Variants in ANK2 observed in about 807,000 individuals in gnomAD.
The protein encoded by ANK2 is ankyrin-2.
In ANK2, 83 loss-of-function variants were observed where a neutral mutation model predicts 360.5. The ratio of observed to expected loss-of-function variants is 0.23; its 90% CI spans 0.19 to 0.28. The LOEUF is 0.28. ANK2 is among the 10% of genes least tolerant of loss of function. The pLI is 1.00. For synonymous variants in ANK2, 1,740 were observed against 1,759.5 expected (o/e 0.99, Z 0.28); for missense variants, 4,201 against 4,795.7 (o/e 0.88, Z 3.66).
At chr4:113,147,156 C>T (rs185826097) in intron 1 of ANK2, among the ~76,000 whole-genome samples, 281 of 152,110 alleles carry the variant, frequency 1.8e-3, no homozygotes, top group African/African-American at 6.1e-3. Flanking sequence ...TGGAGGTCAC[C>T]GTAGTCAAAA....
At chr4:112,712,564 T>C in the ANK2 span, among the ~76,000 whole-genome samples, 81 of 151,670 alleles carry the variant, frequency 5.3e-4, no homozygotes, top group South Asian at 1.7e-3. Flanking sequence ...CCTGCCACCA[T>C]GCCCAGCTAA....
chr4:113,361,998 T>A (rs1157733284), intron 39 of ANK2, among the ~76,000 whole-genome samples: 4 of 152,216 alleles, frequency 2.6e-5, no homozygotes, highest in African/African-American at 9.6e-5. Flanking sequence ...AAGTAACTGC[T>A]AATACTTTCT....
chr4:112,735,168 T>A, the ANK2 span, among the ~76,000 whole-genome samples: 2 of 152,100 alleles, frequency 1.3e-5, no homozygotes, highest in East Asian at 3.9e-4. Context: ...GTGGATCCTT[T>A]GAGCCCAGGA....
chr4:113,110,330 C>T (rs1420646966), intron 1 of ANK2, among the ~76,000 whole-genome samples: 1 of 152,142 alleles, frequency 6.6e-6, no homozygotes, highest in Non-Finnish European at 1.5e-5. Flanking sequence ...CTGGGTCCCT[C>T]CCATGACACG....
intron 1 of ANK2, among the ~76,000 whole-genome samples, chr4:113,169,028 G>T (rs1277090457): frequency 6.6e-6 from 1 of 152,048 alleles, no homozygotes; most frequent in Non-Finnish European, 1.5e-5. Flanking sequence ...ACACAGTAAC[G>T]CCAGGAATCT....
At chr4:113,080,139 T>C (rs1314629376) in intron 1 of ANK2, among the ~76,000 whole-genome samples, 1 of 152,140 alleles carries the variant, frequency 6.6e-6, no homozygotes, top group Non-Finnish European at 1.5e-5. Flanking sequence ...CCTAATGTGT[T>C]CCGCCTGCCT....
At chr4:113,374,165 C>A (rs1396630765) in intron 45 of ANK2, among the ~76,000 whole-genome samples, 1 of 152,216 alleles carries the variant, frequency 6.6e-6, no homozygotes, top group Non-Finnish European at 1.5e-5. Flanking sequence ...CTCAAATGAT[C>A]CACCCGCCTC....
the ANK2 span, among the ~76,000 whole-genome samples, chr4:112,718,925 CCGCACCCGG>C: frequency 5.8e-5 from 4 of 69,206 alleles, no homozygotes; most frequent in African/African-American, 2.2e-4. Context: ...GCATGAGCCA[CCGCACCCGG>C]TCGCATGAGC....
the ANK2 span, among the ~76,000 whole-genome samples, chr4:112,707,301 T>C: frequency 6.6e-6 from 1 of 152,206 alleles, no homozygotes; most frequent in Non-Finnish European, 1.5e-5. Context: ...TTTGCCACGT[T>C]TGAATTTTAA....
intron 3 of ANK2, among the ~76,000 whole-genome samples, chr4:113,197,397 CTA>C (rs942182022): frequency 1.7e-4 from 26 of 152,262 alleles, no homozygotes; most frequent in African/African-American, 5.3e-4. Context: ...ATTTAAAAAA[CTA>C]TTATGAATGG....
intron 1 of ANK2, among the ~76,000 whole-genome samples, chr4:113,102,579 A>G (rs28572503): frequency 0.089 from 13,557 of 152,162 alleles, 659 homozygotes; most frequent in Middle Eastern, 0.14. Context: ...CTCAAAGAAA[A>G]CTGAAGCAAA....
At chr4:113,054,953 G>A (rs971909686) in intron 1 of ANK2, among the ~76,000 whole-genome samples, 1 of 152,122 alleles carries the variant, frequency 6.6e-6, no homozygotes, top group African/African-American at 2.4e-5. Flanking sequence ...TCAAAGTGCT[G>A]TCTGCTGACC....
At chr4:112,842,015 CT>C (rs560235013) in intron 1 of ANK2, among the ~76,000 whole-genome samples, 124 of 148,948 alleles carry the variant, frequency 8.3e-4, no homozygotes, top group Non-Finnish European at 1.4e-3. Flanking sequence ...TTTTTCTTTT[CT>C]TTTTTTTTTG....
chr4:113,191,722 A>T (rs1390315876), intron 2 of ANK2, among the ~76,000 whole-genome samples: 1 of 152,210 alleles, frequency 6.6e-6, no homozygotes, highest in Non-Finnish European at 1.5e-5. Flanking sequence ...CAAATTACAA[A>T]CAGAATTAAC....
intron 4 of ANK2, among the ~76,000 whole-genome samples, chr4:113,210,349 T>G (rs563879141): frequency 1.1e-4 from 16 of 152,316 alleles, no homozygotes; most frequent in African/African-American, 3.8e-4. Context: ...TGAAGAAAAT[T>G]TGAGGCATAT....
intron 3 of ANK2, 42 bp downstream of exon 3, chr4:113,196,508 C>T (rs769310477): frequency 2.7e-5 from 41 of 1,495,996 alleles, no homozygotes; most frequent in South Asian, 3.5e-5. Context: ...CTTAGAAAAG[C>T]GAAAATAATT....
At chr4:113,104,721 A>AAACAAC (rs61326560) in intron 1 of ANK2, among the ~76,000 whole-genome samples, 3 of 151,342 alleles carry the variant, frequency 2.0e-5, no homozygotes, top group African/African-American at 4.9e-5. Context: ...TCTCAAAGCT[A>AAACAAC]AACAACAACA....
At chr4:113,159,496 A>C (rs1307649037) in intron 1 of ANK2, among the ~76,000 whole-genome samples, 1 of 152,184 alleles carries the variant, frequency 6.6e-6, no homozygotes, top group Admixed American at 6.5e-5. Context: ...CTGAGTAGTC[A>C]GTAATTGCCC....
At chr4:113,177,143 G>A (rs2098242052) in intron 2 of ANK2, among the ~76,000 whole-genome samples, 1 of 152,100 alleles carries the variant, frequency 6.6e-6, no homozygotes, top group African/African-American at 2.4e-5. Flanking sequence ...GCGGTGGCGT[G>A]ATCTCGGCTC....
Sources: allele counts gnomAD v4.1 joint callset (sites outside exome capture counted in the v4.1 genomes callset), GRCh38; gene constraint gnomAD v4.1.1; transcripts MANE v1.5; gene names NCBI Gene and HGNC (gene_info 2026-07-23, HGNC 2026-07-21).